SKIL: variants seen among roughly 807,000 people sequenced by gnomAD.
SKIL encodes ski-like protein.
Under a neutral mutation model 69.6 loss-of-function variants are expected in SKIL, and 20 were observed. The observed-to-expected ratio is 0.29, with a 90% CI of 0.20 to 0.42. The LOEUF (loss-of-function observed/expected upper bound fraction) is 0.42. Ranked by LOEUF, SKIL falls within the 10% of genes least tolerant of loss-of-function variation. The pLI, the probability that SKIL is intolerant of heterozygous loss-of-function variation, is 1.00. For synonymous variants in SKIL, 310 were observed against 279.9 expected, an observed-to-expected ratio of 1.11 and a Z score of -1.08; for missense variants, 745 against 783.1, an observed-to-expected ratio of 0.95 and a Z score of 0.58.
chr3:170,380,487 ACAAAAAATTAGCTG>A (rs1737279057), intron 2 of SKIL, among the ~76,000 whole-genome samples: 1 of 152,044 alleles, frequency 6.6e-6, no homozygotes, highest in Non-Finnish European at 1.5e-5. Context: ...TACTAAGAAT[ACAAAAAATTAGCTG>A]GGTGTGGTGG....
At chr3:170,388,381 A>G (rs1363829233) in intron 4 of SKIL, among the ~76,000 whole-genome samples, 2 of 151,916 alleles carry the variant, frequency 1.3e-5, no homozygotes, top group African/African-American at 4.8e-5. Flanking sequence ...AGAGTTCTTT[A>G]TATATTCTGG....
chr3:170,391,700 A>G (rs1737931929), intron 6 of SKIL, among the ~76,000 whole-genome samples: 1 of 152,194 alleles, frequency 6.6e-6, no homozygotes, highest in Admixed American at 6.5e-5. Flanking sequence ...AATTCTGTTA[A>G]ACATAGCTTT....
chr3:170,358,132 G>C (rs936187185), intron 1 of SKIL, among the ~76,000 whole-genome samples: 3 of 152,276 alleles, frequency 2.0e-5, no homozygotes, highest in South Asian at 2.1e-4. Flanking sequence ...GTCTCGACCC[G>C]GTCCGTCAGC....
At chr3:170,370,831 A>G (rs545601423) in intron 2 of SKIL, among the ~76,000 whole-genome samples, 6 of 152,114 alleles carry the variant, frequency 3.9e-5, no homozygotes, top group African/African-American at 9.6e-5. Flanking sequence ...TGTAGTCCCA[A>G]CTACTTGTGG....
At chr3:170,385,794 TTC>T (rs1382350294) in intron 4 of SKIL, among the ~76,000 whole-genome samples, 1 of 151,794 alleles carries the variant, frequency 6.6e-6, no homozygotes, top group Non-Finnish European at 1.5e-5. Context: ...TTTTCTTTCT[TTC>T]TTTCTTTTTT....
At position 170,391,259 on chromosome 3, in the gene SKIL, A is replaced by G. The variant is rs779557089; in HGVS notation, c.1895A>G (p.Gln632Arg). The change falls in exon 6 of 7, where the codon CAG becomes CGG. Residue 632 changes from glutamine to arginine, a missense_variant and splice_region_variant. Gln to Arg is a conservative substitution (Grantham distance 43). Coordinates refer to ENST00000259119, the MANE Select transcript of SKIL (RefSeq NM_005414.5). ...GACAAAGAGGCTGAATATGCAGGAC[A>G]GGTAAGAATTACTGTTTGTATAATG... ...EKDKEAEYAG[Q>R]LAELRQRLDH... The G allele has an allele frequency of 1.6e-5, 25 of 1,547,868 alleles. No homozygotes were observed. The Admixed American group carries it at 4.0e-4, about 25-fold the overall frequency.
At chr3:170,365,107 G>T (rs573127430) in intron 2 of SKIL, among the ~76,000 whole-genome samples, 4 of 151,942 alleles carry the variant, frequency 2.6e-5, no homozygotes, top group Non-Finnish European at 5.9e-5. Context: ...TTTTAAAAAC[G>T]TACTCAGAAC....
chr3:170,387,440 C>G (rs928102084), intron 4 of SKIL, among the ~76,000 whole-genome samples: 39 of 152,068 alleles, frequency 2.6e-4, no homozygotes, highest in African/African-American at 9.2e-4. Context: ...CAATATGTGG[C>G]TTTTCATGTC....
In SKIL at chr3:170,392,432, A is replaced by G; in HGVS notation, c.*15A>G. The G allele has an allele frequency of 6.3e-7, 1 of 1,580,280 alleles. No homozygotes were observed. Among genetic ancestry groups the G allele is most frequent in the South Asian group, 1.2e-5 (1 of 86,618 alleles). On this transcript the variant is annotated 3_prime_UTR_variant, in exon 7 of 7. Transcript: ENST00000259119. Reference sequence around the variant, plus strand: ...CTAAAGAATAGAAACTGTTAAAGAGATTCATCTGTGTATTACTGACAAGGT... The same window carrying G: ...CTAAAGAATAGAAACTGTTAAAGAGGTTCATCTGTGTATTACTGACAAGGT...
Position 170,360,147 on chromosome 3 carries a change from T to C in SKIL, c.-185T>C, listed in dbSNP as rs569128254. 3 of 526,084 alleles carry C rather than the reference T, an allele frequency of 5.7e-6. No individual in the cohort carries two copies. The highest frequency in any genetic ancestry group is 3.9e-5 in the African/African-American group (2 of 51,584). 32.6% of individuals were successfully genotyped at this position (526,084 alleles called of 1,614,324 possible). A position where few individuals can be genotyped will look rare whatever the true frequency, so the allele number is the denominator to read the frequency against. On this transcript the variant is annotated 5_prime_UTR_variant, in exon 2 of 7. Transcript: ENST00000259119. ...TTTTATAGGATTTGTAGTGAAATTA[T>C]ACCAGATTATAAGGAGAACCAAAAC... is the stretch of plus-strand genomic sequence containing the variant.
At position 170,395,042 on chromosome 3, in the gene SKIL, C is replaced by G. The variant is rs1738122286; in HGVS notation, c.*2625C>G. 1 of 152,088 alleles carries G rather than the reference C, an allele frequency of 6.6e-6. No individual in the cohort carries two copies. The highest frequency in any genetic ancestry group is 6.6e-5 in the Admixed American group (1 of 15,266). 9.4% of individuals were successfully genotyped at this position (152,088 alleles called of 1,614,324 possible). A position where few individuals can be genotyped will look rare whatever the true frequency, so the allele number is the denominator to read the frequency against. On this transcript the variant is annotated 3_prime_UTR_variant, in exon 7 of 7. Transcript: ENST00000259119. ...AAGAAAAAATGTAAAAATGTTTATT[C>G]TAAAAAGCTGCATTAAAGGGACAAC... is the stretch of plus-strand genomic sequence containing the variant.
At chr3:170,380,634 C>T (rs2108213510) in intron 2 of SKIL, among the ~76,000 whole-genome samples, 1 of 150,800 alleles carries the variant, frequency 6.6e-6, no homozygotes, top group Non-Finnish European at 1.5e-5. Flanking sequence ...CAGAGCGAGA[C>T]TCCATCTCAA....
chr3:170,360,418 G>A lies in SKIL; in HGVS notation c.87G>A (p.Ala29=), dbSNP rs760325243. 16 of 1,612,536 alleles carry A rather than the reference G, an allele frequency of 9.9e-6. No homozygotes were observed. The East Asian group carries it at 3.1e-4, about 31-fold the overall frequency. ...TGGGAGATGATGGCAGCCCCCCAGC[G>A]AAAAAAATGATAACGGACATTCATG... ...NGMGDDGSPP[A]KKMITDIHAN... is the part of the protein sequence containing the mutation. The change falls in exon 2 of 7, where the codon GCG becomes GCA. Residue 29 remains alanine, a synonymous_variant. Transcript: ENST00000259119.
At chr3:170,392,204 G>A in intron 6 of SKIL, 55 bp from the exon 7 acceptor site, 1 of 1,376,452 alleles carries the variant, frequency 7.3e-7, no homozygotes, top group East Asian at 2.4e-5. Context: ...ATGATATGAG[G>A]ATTAAATGGA....
At chr3:170,370,098 G>T (rs1322994761) in intron 2 of SKIL, among the ~76,000 whole-genome samples, 1 of 151,942 alleles carries the variant, frequency 6.6e-6, no homozygotes, top group Non-Finnish European at 1.5e-5. Context: ...AATTAGCCGG[G>T]CGCGGTGGCA....
At chr3:170,380,680 G>A (rs932724235) in intron 2 of SKIL, among the ~76,000 whole-genome samples, 10 of 152,042 alleles carry the variant, frequency 6.6e-5, no homozygotes, top group South Asian at 2.1e-4. Context: ...AATAGATTTC[G>A]TAAGTATGAA....
At chr3:170,363,701 T>C (rs1311089717) in intron 2 of SKIL, among the ~76,000 whole-genome samples, 1 of 152,160 alleles carries the variant, frequency 6.6e-6, no homozygotes, top group Admixed American at 6.6e-5. Context: ...GCTAGGCTGG[T>C]CTCAAACTCC....
chr3:170,360,584 A>C lies in SKIL; in HGVS notation c.253A>C (p.Ser85Arg). 6.2e-7 allele frequency: 1 copy of C among 1,614,210 alleles called. No homozygotes were observed. The highest frequency in any genetic ancestry group is 1.1e-5 in the South Asian group (1 of 91,092). The stretch of plus-strand genomic sequence containing the variant: ...TCCTGAAACTTTGCATTTAAATCCC[A>C]GTTTGAAACACACATTGGCACAATT... Reference protein sequence around the residue: ...SVPETLHLNPSLKHTLAQFHL... With the variant: ...SVPETLHLNPRLKHTLAQFHL... The change falls in exon 2 of 7, where the codon AGT (serine) becomes CGT (arginine). Residue 85 changes from serine (S) to arginine (R), a missense_variant. Ser to Arg is a moderately radical substitution (Grantham distance 110). Coordinates refer to ENST00000259119, the MANE Select transcript of SKIL (RefSeq NM_005414.5).
Position 170,392,481 on chromosome 3 carries a change from G to A in SKIL, c.*64G>A. On this transcript the variant is annotated 3_prime_UTR_variant, in exon 7 of 7. Transcript: ENST00000259119. ...GTTTTTTTTGTTTGTTGCTTGCTTTGGTAATTGAATTCTGAAGAATTTATC... is the reference window on the plus strand; with the variant it reads ...GTTTTTTTTGTTTGTTGCTTGCTTTAGTAATTGAATTCTGAAGAATTTATC... The A allele has an allele frequency of 9.5e-7, 1 of 1,053,568 alleles. No homozygotes were observed. The highest frequency in any genetic ancestry group is 1.3e-6 in the Non-Finnish European group (1 of 741,684). 65.3% of individuals were successfully genotyped at this position (1,053,568 alleles called of 1,614,324 possible).
Sources: allele counts gnomAD v4.1 joint callset (sites outside exome capture counted in the v4.1 genomes callset), GRCh38; gene constraint gnomAD v4.1.1; transcripts MANE v1.5; gene names NCBI Gene and HGNC (gene_info 2026-07-23, HGNC 2026-07-21).